Variants in DIPK1A observed in about 807,000 individuals in gnomAD.
DIPK1A encodes divergent protein kinase domain 1A.
DIPK1A carries 27 observed loss-of-function variants against 40.8 expected under a neutral mutation model. That is an observed-to-expected ratio of 0.66 (90% CI 0.49 to 0.91). DIPK1A has a LOEUF of 0.91. Among genes scored for constraint, DIPK1A ranks in the 40% least tolerant of loss-of-function variants. The pLI, the probability that DIPK1A is intolerant of heterozygous loss-of-function variation, is 0.00. For synonymous variants in DIPK1A, 166 were observed against 171.3 expected, an observed-to-expected ratio of 0.97 and a Z score of 0.24; for missense variants, 412 against 505.7, an observed-to-expected ratio of 0.81 and a Z score of 1.78.
At chr1:92,860,646 A>AAAAAAAAATAGCCAGGTG (rs148916481) in intron 2 of DIPK1A, among the ~76,000 whole-genome samples, 4,362 of 105,090 alleles carry the variant, frequency 0.042, 729 homozygotes, top group African/African-American at 0.11. Flanking sequence ...AAAAAAAAAA[A>AAAAAAAAATAGCCAGGTG]TGGTGGTGTG....
At position 92,949,048 on chromosome 1, in the gene DIPK1A, C is replaced by T. The variant is rs1044925927; in HGVS notation, c.54+12328G>A. Among the ~76,000 whole-genome samples the T allele has an allele frequency of 2.0e-5, 3 of 150,448 alleles. No homozygotes were observed. In the Admixed American group the frequency reaches 2.0e-4, roughly 10 times the overall value. On this transcript the variant is annotated intron_variant, in intron 1 of 4. Transcript: ENST00000370310. ...CTCGAACTCCTGACCTCAGGTGATCCACCCACTTCAGCCTCTCAAAGTACT... is the reference window on the plus strand; with the variant it reads ...CTCGAACTCCTGACCTCAGGTGATCTACCCACTTCAGCCTCTCAAAGTACT...
intron 1 of DIPK1A, among the ~76,000 whole-genome samples, chr1:92,894,473 A>G (rs901166245): frequency 3.3e-5 from 5 of 152,150 alleles, no homozygotes; most frequent in Non-Finnish European, 7.3e-5. Flanking sequence ...AAGATACAAC[A>G]TACCAGAATC....
At chr1:92,840,269 C>A (rs1687300796), downstream of DIPK1A, 3 of 381,688 alleles carry the variant, frequency 7.9e-6, no homozygotes, top group Admixed American at 4.1e-5. Flanking sequence ...CTTCAGACTC[C>A]CAAAGTGCTT....
chr1:92,944,427 TA>T (rs1651286706), intron 1 of DIPK1A, among the ~76,000 whole-genome samples: 2 of 152,016 alleles, frequency 1.3e-5, no homozygotes, highest in Non-Finnish European at 2.9e-5. Flanking sequence ...AACTTCAAAA[TA>T]AAAATATAAA....
intron 1 of DIPK1A, among the ~76,000 whole-genome samples, chr1:92,946,352 C>T (rs911979346): frequency 2.0e-5 from 3 of 151,836 alleles, no homozygotes; most frequent in Non-Finnish European, 4.4e-5. Context: ...TCAACTTTGG[C>T]AGTGTAAAAT....
intron 1 of DIPK1A, among the ~76,000 whole-genome samples, chr1:92,908,847 G>A (rs986912495): frequency 4.6e-5 from 7 of 152,182 alleles, no homozygotes; most frequent in African/African-American, 1.7e-4. Flanking sequence ...GCTGTCCCTA[G>A]AGCAGAAGGA....
intron 1 of DIPK1A, among the ~76,000 whole-genome samples, chr1:92,948,519 A>T (rs111250897): frequency 0.15 from 22,707 of 150,024 alleles, 2,160 homozygotes; most frequent in South Asian, 0.25. Flanking sequence ...CTTGAGCTCA[A>T]GTGATCCTCT....
At chr1:92,955,073 A>C (rs1651796152) in intron 1 of DIPK1A, among the ~76,000 whole-genome samples, 1 of 152,244 alleles carries the variant, frequency 6.6e-6, no homozygotes. Flanking sequence ...TAAGTGAAAG[A>C]AGCCTATTTG....
chr1:92,894,912 G>C (rs183251864), intron 1 of DIPK1A, among the ~76,000 whole-genome samples: 139 of 152,150 alleles, frequency 9.1e-4, no homozygotes, highest in African/African-American at 3.2e-3. Flanking sequence ...GGAAGAAATG[G>C]ATAAATTCCT....
At chr1:92,841,754 T>C (rs1391575321), downstream of DIPK1A, 8 of 1,586,098 alleles carry the variant, frequency 5.0e-6, no homozygotes, top group South Asian at 1.1e-5. Context: ...TATATATTCC[T>C]ATCTTTTGTA....
chr1:92,942,127 T>C (rs1258061366), intron 1 of DIPK1A, among the ~76,000 whole-genome samples: 1 of 152,108 alleles, frequency 6.6e-6, no homozygotes, highest in Non-Finnish European at 1.5e-5. Flanking sequence ...AATAGCAACA[T>C]GATACAGTTT....
intron 2 of DIPK1A, among the ~76,000 whole-genome samples, chr1:92,870,150 C>T (rs914043644): frequency 6.6e-6 from 1 of 151,638 alleles, no homozygotes; most frequent in Admixed American, 6.6e-5. Flanking sequence ...CAAGAATTTG[C>T]ATATTTGCAT....
At chr1:92,955,542 C>T (rs1454944582) in intron 1 of DIPK1A, among the ~76,000 whole-genome samples, 5 of 151,088 alleles carry the variant, frequency 3.3e-5, no homozygotes, top group Non-Finnish European at 7.4e-5. Context: ...GCTAAAAACA[C>T]AAAAAATTAG....
intron 2 of DIPK1A, among the ~76,000 whole-genome samples, chr1:92,856,091 A>C (rs2100737094): frequency 6.6e-6 from 1 of 152,242 alleles, no homozygotes; most frequent in Non-Finnish European, 1.5e-5. Context: ...TAAATAAATA[A>C]ATAAAAATAA....
chr1:92,938,466 A>C (rs2100885957), intron 1 of DIPK1A, among the ~76,000 whole-genome samples: 1 of 126,212 alleles, frequency 7.9e-6, no homozygotes, highest in East Asian at 2.0e-4. Context: ...CGAGACCTTT[A>C]CTAAAAAAAA....
At chr1:92,920,869 C>A (rs1219422118) in intron 1 of DIPK1A, among the ~76,000 whole-genome samples, 1 of 152,144 alleles carries the variant, frequency 6.6e-6, no homozygotes, top group African/African-American at 2.4e-5. Context: ...TCTCAGAGAA[C>A]ATTGGGTATC....
rs879893217 is a variant in DIPK1A, at chr1:92,858,575, CT to C, written c.190-7621del. On this transcript the variant is annotated intron_variant, in intron 2 of 4. Coordinates refer to ENST00000370310, the MANE Select transcript of DIPK1A (RefSeq NM_001006605.5). ...GCATACTTTTCTATAATATTTAATACTTTTTTTTTTTAAAGCACAAACCAGG... is the reference window on the plus strand; with the variant it reads ...GCATACTTTTCTATAATATTTAATACTTTTTTTTTTAAAGCACAAACCAGG... Among the ~76,000 whole-genome samples, 52 of 147,702 alleles carry C rather than the reference CT, an allele frequency of 3.5e-4. 1 individual carries two copies. The highest frequency in any genetic ancestry group is 3.6e-4 in the Non-Finnish European group (24 of 66,538).
At chr1:92,896,958 C>A (rs1209735511) in intron 1 of DIPK1A, among the ~76,000 whole-genome samples, 4 of 151,866 alleles carry the variant, frequency 2.6e-5, no homozygotes, top group Non-Finnish European at 4.4e-5. Flanking sequence ...CAGTGAGATA[C>A]CATCTCACAC....
chr1:92,875,492 G>A (rs1047686606), intron 2 of DIPK1A, among the ~76,000 whole-genome samples: 3 of 152,166 alleles, frequency 2.0e-5, no homozygotes, highest in Non-Finnish European at 4.4e-5. Flanking sequence ...CAAGGAGGGC[G>A]GATCACTTGA....
Sources: allele counts gnomAD v4.1 joint callset (sites outside exome capture counted in the v4.1 genomes callset), GRCh38; gene constraint gnomAD v4.1.1; transcripts MANE v1.5; gene names NCBI Gene and HGNC (gene_info 2026-07-23, HGNC 2026-07-21).